Variants in DENND4C observed in about 807,000 individuals in gnomAD.
DENND4C encodes the protein DENN domain containing 4C, also known as DENN domain-containing protein 4C.
DENND4C carries 108 observed loss-of-function variants against 203.0 expected under a neutral mutation model. That is an observed-to-expected ratio of 0.53 (90% CI 0.46 to 0.62). The LOEUF is 0.62. DENND4C is among the 20% of genes least tolerant of loss of function. The pLI is 0.00. For missense variants in DENND4C, 2,481 were observed against 2,301.2 expected (o/e 1.08, Z -1.60); for synonymous variants, 871 against 792.4 (o/e 1.10, Z -1.67).
Position 19,325,929 on chromosome 9 carries a change from T to A in DENND4C, c.1954-10T>A, listed in dbSNP as rs1817727905. 1 of 1,598,984 alleles carries A rather than the reference T, an allele frequency of 6.3e-7. No homozygotes were observed. Among genetic ancestry groups the A allele is most frequent in the East Asian group, 2.2e-5 (1 of 44,720 alleles). ...CATTTTCATTAAGAATCTGTTTTCT[T>A]TTTTTCTAGTTGTTTCCTGATAAAG... On this transcript the variant is annotated splice_polypyrimidine_tract_variant and intron_variant, in intron 13 of 32. Coordinates refer to ENST00000434457, the MANE Select transcript of DENND4C (RefSeq NM_001330640.2).
chr9:19,250,598 G>C (rs1364898672), intron 1 of DENND4C, among the ~76,000 whole-genome samples: 1 of 152,120 alleles, frequency 6.6e-6, no homozygotes, highest in Non-Finnish European at 1.5e-5. Context: ...GACAAGGCAA[G>C]TTTCCTCCGC....
chr9:19,237,696 A>C (rs1272081888), intron 1 of DENND4C, among the ~76,000 whole-genome samples: 2 of 152,208 alleles, frequency 1.3e-5, no homozygotes, highest in African/African-American at 4.8e-5. Flanking sequence ...AGAGAAATCC[A>C]GTTGTACTTA....
At chr9:19,355,813 G>C (rs1024874893) in intron 26 of DENND4C, among the ~76,000 whole-genome samples, 1 of 152,064 alleles carries the variant, frequency 6.6e-6, no homozygotes, top group African/African-American at 2.4e-5. Flanking sequence ...GAGATTTATA[G>C]ATTAATGTGA....
intron 31 of DENND4C, among the ~76,000 whole-genome samples, chr9:19,371,104 C>T (rs1828750098): frequency 6.7e-6 from 1 of 150,238 alleles, no homozygotes; most frequent in Non-Finnish European, 1.5e-5. Context: ...CCAAGTGTCA[C>T]TAGAATCAGC....
intron 12 of DENND4C, among the ~76,000 whole-genome samples, chr9:19,321,035 T>A (rs1294686981): frequency 6.6e-6 from 1 of 152,228 alleles, no homozygotes; most frequent in Non-Finnish European, 1.5e-5. Flanking sequence ...GCAGGATCTT[T>A]TAGGATTAGT....
chr9:19,257,230 C>A (rs1393194582), intron 1 of DENND4C, among the ~76,000 whole-genome samples: 2 of 151,634 alleles, frequency 1.3e-5, no homozygotes, highest in African/African-American at 4.8e-5. Flanking sequence ...GTGGCTTGCA[C>A]CTGTAATCCC....
At chr9:19,367,303 A>G (rs1827878063) in intron 30 of DENND4C, among the ~76,000 whole-genome samples, 3 of 152,254 alleles carry the variant, frequency 2.0e-5, no homozygotes, top group African/African-American at 7.2e-5. Flanking sequence ...ATGGCAAACC[A>G]TATGAGTTAC....
intron 1 of DENND4C, among the ~76,000 whole-genome samples, chr9:19,253,515 C>T (rs1357526010): frequency 6.6e-6 from 1 of 152,150 alleles, no homozygotes; most frequent in African/African-American, 2.4e-5. Context: ...TTTGATAATG[C>T]TTTCTAATGG....
At chr9:19,278,901 G>T (rs1725449444) in intron 2 of DENND4C, among the ~76,000 whole-genome samples, 1 of 152,034 alleles carries the variant, frequency 6.6e-6, no homozygotes, top group South Asian at 2.1e-4. Flanking sequence ...TAAGGGAAGG[G>T]GAAGATAGTT....
chr9:19,256,429 G>T (rs1237290161), intron 1 of DENND4C, among the ~76,000 whole-genome samples: 1 of 146,072 alleles, frequency 6.8e-6, no homozygotes, highest in African/African-American at 2.5e-5. Context: ...CGATTCTCCT[G>T]TCGCAGCCTC....
intron 1 of DENND4C, among the ~76,000 whole-genome samples, chr9:19,251,851 A>G (rs1826685363): frequency 6.6e-6 from 1 of 152,174 alleles, no homozygotes; most frequent in South Asian, 2.1e-4. Flanking sequence ...TATTGTCCAT[A>G]TCACGATCAG....
chr9:19,331,066 TAAC>T (rs1345231770), intron 16 of DENND4C, among the ~76,000 whole-genome samples: 1 of 151,540 alleles, frequency 6.6e-6, no homozygotes, highest in Non-Finnish European at 1.5e-5. Flanking sequence ...TAAAAAAAAA[TAAC>T]AAAGAAAACA....
At chr9:19,351,820 G>A (rs796835874) in intron 24 of DENND4C, among the ~76,000 whole-genome samples, 4,837 of 143,188 alleles carry the variant, frequency 0.034, 278 homozygotes, top group African/African-American at 0.13. Flanking sequence ...AAAAAAAAAA[G>A]AAAAGAAAAA....
intron 2 of DENND4C, among the ~76,000 whole-genome samples, chr9:19,282,559 T>TAGAA (rs1554717812): frequency 7.3e-6 from 1 of 137,194 alleles, no homozygotes; most frequent in Non-Finnish European, 1.5e-5. Flanking sequence ...TGGCAAAAAT[T>TAGAA]AAAAAAAAAA....
intron 2 of DENND4C, among the ~76,000 whole-genome samples, chr9:19,282,525 A>T (rs1834267243): frequency 6.7e-6 from 1 of 148,374 alleles, no homozygotes; most frequent in East Asian, 2.0e-4. Context: ...AAGTGCTGGG[A>T]TTACAGGCAT....
chr9:19,312,065 C>G (rs1397525502), intron 10 of DENND4C, among the ~76,000 whole-genome samples: 1 of 152,070 alleles, frequency 6.6e-6, no homozygotes, highest in Non-Finnish European at 1.5e-5. Context: ...AGCAAGGATG[C>G]TTTCTGTATT....
intron 18 of DENND4C, 82 bp from the exon 19 acceptor site, chr9:19,336,187 AC>A: frequency 8.1e-7 from 1 of 1,235,666 alleles, no homozygotes; most frequent in Non-Finnish European, 1.1e-6. Context: ...ATATATATAA[AC>A]ATACACACAC....
At chr9:19,347,644 A>C (rs906805563) in intron 23 of DENND4C, among the ~76,000 whole-genome samples, 1 of 152,246 alleles carries the variant, frequency 6.6e-6, no homozygotes, top group Non-Finnish European at 1.5e-5. Context: ...CTTGAACCGT[A>C]TATGTAAGGA....
chr9:19,237,445 G>A (rs1253925170), intron 1 of DENND4C, among the ~76,000 whole-genome samples: 1 of 151,796 alleles, frequency 6.6e-6, no homozygotes, highest in African/African-American at 2.4e-5. Flanking sequence ...TCCGCATCCC[G>A]AGTTCAAGCG....
Sources: allele counts gnomAD v4.1 joint callset (sites outside exome capture counted in the v4.1 genomes callset), GRCh38; gene constraint gnomAD v4.1.1; transcripts MANE v1.5; gene names NCBI Gene and HGNC (gene_info 2026-07-23, HGNC 2026-07-21).